Variants in CCSER1 observed in about 807,000 individuals in gnomAD.
The protein encoded by CCSER1 is coiled-coil serine rich protein 1.
In CCSER1, 41 loss-of-function variants were observed where a neutral mutation model predicts 82.0. That is an observed-to-expected ratio of 0.50 (90% CI 0.39 to 0.65). The LOEUF (loss-of-function observed/expected upper bound fraction) is 0.65. Ranked by LOEUF, CCSER1 falls within the 30% of genes least tolerant of loss-of-function variation. The pLI is 0.00. For synonymous variants in CCSER1, 414 were observed against 383.9 expected (o/e 1.08, Z -0.92); for missense variants, 1,119 against 1,064.2 (o/e 1.05, Z -0.72).
chr4:90,373,792 A>G (rs1018514361), intron 3 of CCSER1, among the ~76,000 whole-genome samples: 4 of 152,180 alleles, frequency 2.6e-5, no homozygotes, highest in African/African-American at 4.8e-5. Flanking sequence ...AAGGAAAGCT[A>G]TAGAAGATAT....
intron 5 of CCSER1, among the ~76,000 whole-genome samples, chr4:90,489,630 C>T (rs927874265): frequency 1.3e-5 from 2 of 152,148 alleles, no homozygotes; most frequent in Non-Finnish European, 2.9e-5. Flanking sequence ...ATTAACTCGT[C>T]ATTTACATTA....
intron 6 of CCSER1, among the ~76,000 whole-genome samples, chr4:90,719,792 T>C (rs2149359666): frequency 6.6e-6 from 1 of 152,312 alleles, no homozygotes; most frequent in Non-Finnish European, 1.5e-5. Flanking sequence ...TGTGCTGGGT[T>C]TCTCCACTGT....
chr4:90,768,120 C>T (rs138154572), intron 7 of CCSER1, among the ~76,000 whole-genome samples: 1 of 152,308 alleles, frequency 6.6e-6, no homozygotes, highest in East Asian at 1.9e-4. Flanking sequence ...TTACAAACAA[C>T]TGTGGCATTT....
intron 10 of CCSER1, among the ~76,000 whole-genome samples, chr4:91,177,605 G>T (rs753610455): frequency 6.6e-6 from 1 of 152,074 alleles, no homozygotes; most frequent in African/African-American, 2.4e-5. Flanking sequence ...GTTTATTTAC[G>T]TAGAGGTGTT....
chr4:90,232,049 A>G (rs1347977481), intron 1 of CCSER1, among the ~76,000 whole-genome samples: 1 of 152,218 alleles, frequency 6.6e-6, no homozygotes, highest in Non-Finnish European at 1.5e-5. Flanking sequence ...CATTCTGCCC[A>G]AGGTAATTTA....
chr4:91,044,238 AG>A (rs1338329002), intron 9 of CCSER1, among the ~76,000 whole-genome samples: 1 of 152,216 alleles, frequency 6.6e-6, no homozygotes, highest in African/African-American at 2.4e-5. Flanking sequence ...ACTCCGGGAA[AG>A]AAACATGAAT....
chr4:91,503,285 T>C (rs1290798119), intron 10 of CCSER1, among the ~76,000 whole-genome samples: 1 of 147,548 alleles, frequency 6.8e-6, no homozygotes, highest in East Asian at 2.0e-4. Context: ...GAGCTTGCAG[T>C]GAGCCAAGAT....
At position 90,408,300 on chromosome 4, in the gene CCSER1, C is replaced by T. The variant is rs112772300; in HGVS notation, c.1603+8171C>T. ...GAAGAGAGTAGTGATTCTCCCAGCA[C>T]GCAGCTTGAGATCTGAGAATGGGCA... On this transcript the variant is annotated intron_variant, in intron 4 of 10. Transcript: ENST00000509176. Among the ~76,000 whole-genome samples the T allele has an allele frequency of 9.1e-3, 1,382 of 152,304 alleles. 8 individuals are homozygous for T. The highest frequency in any genetic ancestry group is 0.014 in the Non-Finnish European group (954 of 68,030).
chr4:90,468,109 T>G, intron 4 of CCSER1, 125 bp from the exon 5 acceptor site: 1 of 833,460 alleles, frequency 1.2e-6, no homozygotes, highest in Non-Finnish European at 1.7e-6. Flanking sequence ...AAGGATAATT[T>G]AATAATTAAT....
chr4:90,665,610 C>T (rs1023857834), intron 6 of CCSER1, among the ~76,000 whole-genome samples: 10 of 152,068 alleles, frequency 6.6e-5, no homozygotes, highest in Non-Finnish European at 1.3e-4. Flanking sequence ...TATAAGCCAG[C>T]GCCTCCGGCC....
At chr4:90,509,390 A>G (rs544664854) in intron 5 of CCSER1, among the ~76,000 whole-genome samples, 1 of 152,256 alleles carries the variant, frequency 6.6e-6, no homozygotes, top group Admixed American at 6.5e-5. Context: ...GCATTGTTCC[A>G]TATCCTATAA....
At chr4:91,078,690 G>A (rs1450605224) in intron 9 of CCSER1, among the ~76,000 whole-genome samples, 3 of 152,152 alleles carry the variant, frequency 2.0e-5, no homozygotes, top group Non-Finnish European at 4.4e-5. Flanking sequence ...TGAAAACAGA[G>A]TAAACAAATG....
At chr4:91,493,334 C>A (rs552325564) in intron 10 of CCSER1, among the ~76,000 whole-genome samples, 1 of 151,630 alleles carries the variant, frequency 6.6e-6, no homozygotes, top group Non-Finnish European at 1.5e-5. Flanking sequence ...ATAATTAAAT[C>A]TAAAATAGAA....
intron 7 of CCSER1, chr4:90,781,295 A>AC: frequency 2.0e-6 from 2 of 985,096 alleles, no homozygotes; most frequent in Non-Finnish European, 2.4e-6. Context: ...AGAAACAGAC[A>AC]CTGTGCTGAG....
At chr4:90,275,037 A>G (rs959183254) in intron 1 of CCSER1, among the ~76,000 whole-genome samples, 6 of 152,146 alleles carry the variant, frequency 3.9e-5, no homozygotes, top group African/African-American at 1.4e-4. Flanking sequence ...TTACAATACC[A>G]ATTCCCTTCC....
intron 7 of CCSER1, among the ~76,000 whole-genome samples, chr4:90,774,632 C>A (rs1481446782): frequency 1.3e-5 from 2 of 152,090 alleles, no homozygotes; most frequent in Admixed American, 6.5e-5. Context: ...TAGATTGTGT[C>A]ATGTCCATCT....
At chr4:90,681,823 T>G in intron 6 of CCSER1, among the ~76,000 whole-genome samples, 1 of 152,016 alleles carries the variant, frequency 6.6e-6, no homozygotes, top group East Asian at 1.9e-4. Flanking sequence ...AATTGATAAT[T>G]ATACAGTCTT....
Position 91,155,589 on chromosome 4 carries a change from C to A in CCSER1, c.2217+69595C>A, listed in dbSNP as rs550580825. On this transcript the variant is annotated intron_variant, in intron 10 of 10. Transcript: ENST00000509176. ...AGTAGAGAGGGTCAACTTTCCATAT[C>A]ATTTTCATCTAATGATTCTAATTTT... Among the ~76,000 whole-genome samples, 14 of 152,066 alleles carry A rather than the reference C, an allele frequency of 9.2e-5. No homozygotes were observed. The East Asian group carries it at 2.5e-3, about 27-fold the overall frequency.
At chr4:90,163,534 CTAT>C (rs139175644) in intron 1 of CCSER1, among the ~76,000 whole-genome samples, 3,572 of 152,046 alleles carry the variant, frequency 0.023, 128 homozygotes, top group African/African-American at 0.08. Context: ...CATTTTTTAC[CTAT>C]TATTATTAAT....
Sources: allele counts gnomAD v4.1 joint callset (sites outside exome capture counted in the v4.1 genomes callset), GRCh38; gene constraint gnomAD v4.1.1; transcripts MANE v1.5; gene names NCBI Gene and HGNC (gene_info 2026-07-23, HGNC 2026-07-21).